CNTN5: variants seen among roughly 807,000 people sequenced by gnomAD.
CNTN5 encodes contactin 5.
CNTN5 carries 77 observed loss-of-function variants against 129.1 expected under a neutral mutation model. That is an observed-to-expected ratio of 0.60 (90% CI 0.50 to 0.72). The LOEUF (loss-of-function observed/expected upper bound fraction) is 0.72. Among genes scored for constraint, CNTN5 ranks in the 30% least tolerant of loss-of-function variants. CNTN5 has a pLI of 0.00. For missense variants in CNTN5, 1,478 were observed against 1,328.8 expected (o/e 1.11, Z -1.75); for synonymous variants, 509 against 465.6 (o/e 1.09, Z -1.20).
chr11:100,244,091 C>T (rs901394456), intron 16 of CNTN5, among the ~76,000 whole-genome samples: 1 of 152,096 alleles, frequency 6.6e-6, no homozygotes, highest in South Asian at 2.1e-4. Context: ...TTTCCACTAT[C>T]TACATAATTA....
intron 3 of CNTN5, among the ~76,000 whole-genome samples, chr11:99,762,708 G>A (rs544489886): frequency 6.6e-6 from 1 of 152,160 alleles, no homozygotes; most frequent in East Asian, 1.9e-4. Context: ...TAAGTTAAAT[G>A]GAAATAACAA....
rs563781517 is a variant in CNTN5 at position 99,140,583 on chromosome 11, G to A, written c.-210+119313G>A. On this transcript the variant is annotated intron_variant, in intron 1 of 24. Transcript: ENST00000524871. ...CCTTGCTTGTTCCAGTTCTCAAGGG[G>A]AATGCTTCCAGGATGTGTCCATTCA... is the stretch of plus-strand genomic sequence containing the variant. Among the ~76,000 whole-genome samples the A allele has an allele frequency of 6.6e-5, 10 of 152,140 alleles. No individual in the cohort carries two copies. In the Middle Eastern group the frequency reaches 0.01, roughly 155 times the overall value.
At chr11:100,162,065 A>G (rs1159480561) in intron 13 of CNTN5, among the ~76,000 whole-genome samples, 1 of 151,684 alleles carries the variant, frequency 6.6e-6, no homozygotes, top group African/African-American at 2.4e-5. Flanking sequence ...AAGTGGGTGA[A>G]TAGGGAAGAG....
chr11:99,528,225 G>A (rs185758847), intron 2 of CNTN5, among the ~76,000 whole-genome samples: 5 of 152,240 alleles, frequency 3.3e-5, no homozygotes, highest in Admixed American at 6.5e-5. Context: ...GGAATTATTT[G>A]AGAAACATAC....
chr11:99,134,827 A>G (rs2135445011), intron 1 of CNTN5, among the ~76,000 whole-genome samples: 1 of 152,346 alleles, frequency 6.6e-6, no homozygotes, highest in South Asian at 2.1e-4. Context: ...TCAGATTTCT[A>G]ATGACATGTG....
chr11:100,337,067 C>A, intron 21 of CNTN5: 2 of 1,264,862 alleles, frequency 1.6e-6, no homozygotes, highest in Admixed American at 1.7e-5. Context: ...GCTGAGATTT[C>A]ACAAATCACT....
chr11:100,140,729 G>C (rs1174446123), intron 13 of CNTN5, among the ~76,000 whole-genome samples: 1 of 152,138 alleles, frequency 6.6e-6, no homozygotes, highest in East Asian at 1.9e-4. Context: ...CAAGAATTAA[G>C]ACAGATAGAG....
intron 1 of CNTN5, among the ~76,000 whole-genome samples, chr11:99,131,217 C>T (rs1858916237): frequency 7.5e-6 from 1 of 133,320 alleles, no homozygotes; most frequent in South Asian, 2.4e-4. Flanking sequence ...CACTGCACTC[C>T]AGCCTGGGTG....
intron 8 of CNTN5, among the ~76,000 whole-genome samples, chr11:99,997,891 C>A (rs1939563337): frequency 6.6e-6 from 1 of 152,010 alleles, no homozygotes; most frequent in Non-Finnish European, 1.5e-5. Context: ...ATAAACAGAA[C>A]CAAAGACAAA....
intron 13 of CNTN5, among the ~76,000 whole-genome samples, chr11:100,143,448 C>G (rs1176686275): frequency 6.6e-6 from 1 of 152,064 alleles, no homozygotes; most frequent in Non-Finnish European, 1.5e-5. Flanking sequence ...AAATGAGACT[C>G]GCTGGGCAAA....
chr11:99,059,415 G>A (rs1864779698), intron 1 of CNTN5, among the ~76,000 whole-genome samples: 1 of 152,018 alleles, frequency 6.6e-6, no homozygotes, highest in African/African-American at 2.4e-5. Flanking sequence ...TGCTTCATTG[G>A]TTTCTATTAC....
chr11:99,893,245 C>A (rs1949112022), intron 6 of CNTN5, among the ~76,000 whole-genome samples: 1 of 152,030 alleles, frequency 6.6e-6, no homozygotes, highest in East Asian at 1.9e-4. Context: ...CATTTTCTTC[C>A]CCAACTATGT....
rs1474186128 is a variant in CNTN5, at chr11:100,090,399, CTCTT to C, written c.1580+16111_1580+16114del. ...TGTTATTTTCTTTTTCCCTCTGTCC[CTCTT>C]TCTTTTTCTTTTCTTTTCTGCCTGC... On this transcript the variant is annotated intron_variant, in intron 13 of 24. Transcript: ENST00000524871. Among the ~76,000 whole-genome samples the C allele has an allele frequency of 2.0e-5, 3 of 151,900 alleles. No individual in the cohort carries two copies. The East Asian group carries it at 5.8e-4, about 30-fold the overall frequency.
intron 3 of CNTN5, among the ~76,000 whole-genome samples, chr11:99,723,697 T>G (rs975164211): frequency 1.1e-4 from 16 of 152,224 alleles, no homozygotes; most frequent in African/African-American, 3.9e-4. Context: ...ATTTTGTTAT[T>G]TTTGTCTTTG....
rs935354565 is a variant in CNTN5, at chr11:100,236,764, G to C, written c.2005+11952G>C. 2.0e-5 allele frequency among the ~76,000 whole-genome samples: 3 copies of C among 152,162 alleles called. No individual in the cohort carries two copies. The East Asian group carries it at 5.8e-4, about 30-fold the overall frequency. On this transcript the variant is annotated intron_variant, in intron 16 of 24. Coordinates refer to ENST00000524871, the MANE Select transcript of CNTN5 (RefSeq NM_014361.4). ...GCAGAGCCTTCTGGCCTTTCAGAAG[G>C]CCTGCTCCTTTCCCTATAGTTTCTC... is the stretch of plus-strand genomic sequence containing the variant.
intron 3 of CNTN5, among the ~76,000 whole-genome samples, chr11:99,664,421 A>G (rs1952710508): frequency 6.6e-6 from 1 of 152,134 alleles, no homozygotes; most frequent in Non-Finnish European, 1.5e-5. Flanking sequence ...AGAGATCTCC[A>G]GGATCCAGAA....
intron 6 of CNTN5, among the ~76,000 whole-genome samples, chr11:99,901,409 GTC>G (rs1157753430): frequency 1.3e-5 from 2 of 151,958 alleles, no homozygotes; most frequent in African/African-American, 4.8e-5. Flanking sequence ...TCCCACCTCA[GTC>G]TCTCAAGTAG....
At chr11:99,620,375 T>C (rs1950903866) in intron 3 of CNTN5, among the ~76,000 whole-genome samples, 2 of 151,998 alleles carry the variant, frequency 1.3e-5, no homozygotes, top group Non-Finnish European at 2.9e-5. Context: ...AAAGTAAACA[T>C]TCATTGCCAG....
intron 3 of CNTN5, among the ~76,000 whole-genome samples, chr11:99,714,696 G>T (rs190537636): frequency 1.3e-5 from 2 of 151,836 alleles, no homozygotes; most frequent in Admixed American, 1.3e-4. Context: ...GAATAACGAG[G>T]TTCAAGCCAA....
Sources: allele counts gnomAD v4.1 joint callset (sites outside exome capture counted in the v4.1 genomes callset), GRCh38; gene constraint gnomAD v4.1.1; transcripts MANE v1.5; gene names NCBI Gene and HGNC (gene_info 2026-07-23, HGNC 2026-07-21).